The following RFX7 variants were observed in gnomAD, a reference collection of about 807,000 sequenced individuals.
The protein encoded by RFX7 is regulatory factor X7, also known as DNA-binding protein RFX7.
A neutral mutation model predicts 111.8 loss-of-function variants in RFX7; 26 were observed. The observed-to-expected ratio is 0.23, with a 90% CI of 0.17 to 0.32. The LOEUF (loss-of-function observed/expected upper bound fraction) is 0.32. Among genes scored for constraint, RFX7 ranks in the 10% least tolerant of loss-of-function variants. RFX7 has a pLI of 1.00. For missense variants in RFX7, 1,573 were observed against 1,772.9 expected (o/e 0.89, Z 2.02); for synonymous variants, 624 against 624.4 (o/e 1.00, Z 0.01).
chr15:56,141,656 A>AATAT lies in RFX7; in HGVS notation c.401+1118_401+1121dup, dbSNP rs368258249. Among the ~76,000 whole-genome samples, 56 of 83,188 alleles carry AATAT rather than the reference A, an allele frequency of 6.7e-4. 7 individuals carry two copies. Among genetic ancestry groups the AATAT allele is most frequent in the African/African-American group, 2.0e-3 (31 of 15,280 alleles). The allele number at this position is 83,188 out of a possible 152,430, so 54.6% of individuals were successfully genotyped here. Reference sequence around the variant, plus strand: ...TAATGAAGAATCTATGCTTACTCTAAATATATATATATATATATATGCATA... The same window carrying AATAT: ...TAATGAAGAATCTATGCTTACTCTAAATATATATATATATATATATATATGCATA... On this transcript the variant is annotated intron_variant, in intron 5 of 9. Transcript: ENST00000559447.
rs776882265 is a variant in RFX7 at position 56,098,173 on chromosome 15, T to C, written c.1015A>G (p.Asn339Asp). 2 of 1,613,940 alleles carry C rather than the reference T, an allele frequency of 1.2e-6. No individual in the cohort carries two copies. Among genetic ancestry groups the C allele is most frequent in the South Asian group, 2.2e-5 (2 of 91,082 alleles). ...CCATTAGGAAGATTAGTCACTCCAT[T>C]GCTTGTAGCACTTTCTGACTTTTTT... Reference protein sequence around the residue: ...AAKKSESATSNGVTNLPNGNP... With the variant: ...AAKKSESATSDGVTNLPNGNP... The change falls in exon 9 of 10, where the codon AAT becomes GAT. Residue 339 changes from asparagine (N) to aspartate (D), a missense_variant. By Grantham distance (23) the Asn-to-Asp change is conservative. Transcript: ENST00000559447.
intron 5 of RFX7, among the ~76,000 whole-genome samples, chr15:56,136,600 C>A (rs2042306347): frequency 6.6e-6 from 1 of 151,592 alleles, no homozygotes; most frequent in Non-Finnish European, 1.5e-5. Flanking sequence ...TAATTGAATA[C>A]CCTTTATTTC....
chr15:56,163,592 G>A (rs1269695964), intron 3 of RFX7, among the ~76,000 whole-genome samples: 1 of 152,012 alleles, frequency 6.6e-6, no homozygotes, highest in Non-Finnish European at 1.5e-5. Flanking sequence ...GATGATAAAC[G>A]CTATGAAGAA....
chr15:56,097,482 G>A (rs2041694302), intron 9 of RFX7, among the ~76,000 whole-genome samples: 1 of 152,156 alleles, frequency 6.6e-6, no homozygotes, highest in Non-Finnish European at 1.5e-5. Flanking sequence ...GCTGGGTGGG[G>A]TGGCTCACGC....
At chr15:56,170,546 C>G (rs1163395027) in intron 3 of RFX7, among the ~76,000 whole-genome samples, 1 of 152,138 alleles carries the variant, frequency 6.6e-6, no homozygotes, top group East Asian at 1.9e-4. Flanking sequence ...CATATATTGT[C>G]AAATGTCCCC....
chr15:56,128,172 G>A (rs1255277185), intron 5 of RFX7, among the ~76,000 whole-genome samples: 2 of 152,140 alleles, frequency 1.3e-5, no homozygotes, highest in Non-Finnish European at 1.5e-5. Flanking sequence ...GGTTTAGCTG[G>A]TGAATTCTAA....
chr15:56,208,544 A>G (rs1481162304), intron 2 of RFX7, among the ~76,000 whole-genome samples: 1 of 152,192 alleles, frequency 6.6e-6, no homozygotes, highest in Non-Finnish European at 1.5e-5. Flanking sequence ...GGCAAAATCC[A>G]GTTTCAAGAG....
chr15:56,209,246 A>G (rs1430442266), intron 2 of RFX7, among the ~76,000 whole-genome samples: 7 of 151,878 alleles, frequency 4.6e-5, no homozygotes, highest in Non-Finnish European at 7.4e-5. Context: ...CTCATAAACC[A>G]TGCAAGAAGG....
rs1291565503 is a variant in RFX7 at position 56,243,268 on chromosome 15, T to C, written c.18A>G (p.Gln6=). 15 of 1,254,956 alleles carry C rather than the reference T, an allele frequency of 1.2e-5. No individual in the cohort carries two copies. Among genetic ancestry groups the C allele is most frequent in the South Asian group, 7.7e-5 (6 of 77,502 alleles). 77.7% of individuals were successfully genotyped at this position (1,254,956 alleles called of 1,614,324 possible). ...CATCAGGCTGCTGTGGTGGCGGCTGTTGTTGTTCCTCTGCCATCGCTGCAG... is the reference window on the plus strand; with the variant it reads ...CATCAGGCTGCTGTGGTGGCGGCTGCTGTTGTTCCTCTGCCATCGCTGCAG... MAEEQ[Q]QPPPQQPDAH... Residue 6 remains glutamine (Q), a synonymous_variant, in exon 2 of 10, where the codon CAA becomes CAG. Coordinates refer to ENST00000559447, the MANE Select transcript of RFX7 (RefSeq NM_022841.7).
chr15:56,220,948 T>C (rs953989284), intron 2 of RFX7, among the ~76,000 whole-genome samples: 5 of 152,210 alleles, frequency 3.3e-5, no homozygotes, highest in African/African-American at 7.2e-5. Context: ...CCTTTTCCCA[T>C]TGCTTGTTTT....
chr15:56,171,847 G>A lies in RFX7; in HGVS notation c.195+7423C>T, dbSNP rs553615384. ...AAAACTGATCAGCTGATAAAGAGTTGGATTATATGGGCCTAGAGCTTAGGA... is the reference window on the plus strand; with the variant it reads ...AAAACTGATCAGCTGATAAAGAGTTAGATTATATGGGCCTAGAGCTTAGGA... On this transcript the variant is annotated intron_variant, in intron 3 of 9. Coordinates refer to ENST00000559447, the MANE Select transcript of RFX7 (RefSeq NM_022841.7). 4.6e-5 allele frequency among the ~76,000 whole-genome samples: 7 copies of A among 152,226 alleles called. No individual in the cohort carries two copies. The East Asian group carries it at 1.3e-3, about 29-fold the overall frequency.
At chr15:56,188,993 A>AT (rs1289149113) in intron 2 of RFX7, among the ~76,000 whole-genome samples, 7 of 151,990 alleles carry the variant, frequency 4.6e-5, no homozygotes, top group African/African-American at 1.7e-4. Context: ...TGATTTTTGT[A>AT]TTTTTAGTAG....
intron 2 of RFX7, among the ~76,000 whole-genome samples, chr15:56,233,315 C>T (rs1430444051): frequency 6.6e-6 from 1 of 152,182 alleles, no homozygotes; most frequent in Admixed American, 6.5e-5. Context: ...CTTTATAAAA[C>T]CATCAGATCT....
chr15:56,139,906 G>A (rs1282395065), intron 5 of RFX7, among the ~76,000 whole-genome samples: 2 of 152,204 alleles, frequency 1.3e-5, no homozygotes. Context: ...CTGCTGGGGG[G>A]TGCCTCCCAG....
chr15:56,215,630 G>A (rs2043356251), intron 2 of RFX7, among the ~76,000 whole-genome samples: 1 of 152,152 alleles, frequency 6.6e-6, no homozygotes, highest in South Asian at 2.1e-4. Flanking sequence ...CTATGTTTAT[G>A]AGTGGGATAG....
chr15:56,227,515 C>T (rs2043498109), intron 2 of RFX7, among the ~76,000 whole-genome samples: 1 of 152,152 alleles, frequency 6.6e-6, no homozygotes, highest in Non-Finnish European at 1.5e-5. Context: ...AATTACACTT[C>T]CTTTATTAAC....
chr15:56,240,976 G>A (rs79897832), intron 2 of RFX7, among the ~76,000 whole-genome samples: 10,093 of 151,876 alleles, frequency 0.066, 461 homozygotes, highest in Admixed American at 0.11. Flanking sequence ...GTGGAGCAGG[G>A]GGTATGACAC....
intron 2 of RFX7, among the ~76,000 whole-genome samples, chr15:56,195,020 T>C (rs2043134162): frequency 6.6e-6 from 1 of 152,022 alleles, no homozygotes; most frequent in African/African-American, 2.4e-5. Context: ...TGACCATAAG[T>C]GGATGAATGG....
At position 56,098,335 on chromosome 15, in the gene RFX7, C is replaced by T. The variant is rs1352685348; in HGVS notation, c.853G>A (p.Ala285Thr). ...ITQPSAFIPT[A>T]ESNSFQPQVK... ...TGAGGCTGAAAGGAATTACTTTCAG[C>T]TGTAGGTATAAAAGCAGAAGGCTGG... The change falls in exon 9 of 10, where the codon GCT becomes ACT. Residue 285 changes from alanine (A) to threonine (T), a missense_variant. By Grantham distance (58) the Ala-to-Thr change is moderately conservative (BLOSUM62 0). Transcript: ENST00000559447. 2.5e-6 allele frequency: 4 copies of T among 1,610,958 alleles called. No individual in the cohort carries two copies. Among genetic ancestry groups the T allele is most frequent in the Non-Finnish European group, 3.4e-6 (4 of 1,178,148 alleles).
Sources: gnomAD v4.1 joint callset for allele counts (sites outside exome capture counted in the v4.1 genomes callset) on GRCh38, gnomAD v4.1.1 for gene constraint, MANE v1.5 for transcripts, NCBI Gene and HGNC (gene_info 2026-07-23, HGNC 2026-07-21) for gene names.